PDE10A: variants seen among roughly 807,000 people sequenced by gnomAD.
PDE10A encodes the protein phosphodiesterase 10A.
PDE10A carries 39 observed loss-of-function variants against 97.7 expected under a neutral mutation model. The observed-to-expected ratio is 0.40, with a 90% confidence interval of 0.31 to 0.52. The LOEUF (loss-of-function observed/expected upper bound fraction) is 0.52. Ranked by LOEUF, PDE10A falls within the 20% of genes least tolerant of loss-of-function variation. The pLI, the probability that PDE10A is intolerant of heterozygous loss-of-function variation, is 0.56. For missense variants in PDE10A, 731 were observed against 1,047.8 expected (o/e 0.70, Z 4.17); for synonymous variants, 371 against 376.8 (o/e 0.98, Z 0.18).
chr6:165,762,726 A>T (rs1444936408), intron 1 of PDE10A, among the ~76,000 whole-genome samples: 1 of 152,190 alleles, frequency 6.6e-6, no homozygotes, highest in South Asian at 2.1e-4. Context: ...AGACTGGTAA[A>T]ATCTTTATTG....
At chr6:165,628,358 C>CTT (rs35599354) in intron 1 of PDE10A, among the ~76,000 whole-genome samples, 1,909 of 150,348 alleles carry the variant, frequency 0.013, 41 homozygotes, top group African/African-American at 0.044. Context: ...TTTCTTTTCT[C>CTT]TTTTTTTTTC....
upstream of PDE10A, among the ~76,000 whole-genome samples, chr6:165,667,117 G>A (rs1316203762): frequency 1.3e-5 from 2 of 152,182 alleles, no homozygotes; most frequent in African/African-American, 2.4e-5. Flanking sequence ...ACTTCATAGG[G>A]GACAGCCTTG....
chr6:165,444,568 G>GT (rs956416643), intron 5 of PDE10A, among the ~76,000 whole-genome samples: 3 of 151,744 alleles, frequency 2.0e-5, no homozygotes, highest in East Asian at 1.9e-4. Context: ...CCTGATCTAA[G>GT]TTTTTTTTCT....
intron 1 of PDE10A, among the ~76,000 whole-genome samples, chr6:165,568,815 G>C (rs1016889575): frequency 1.3e-5 from 2 of 152,152 alleles, no homozygotes; most frequent in African/African-American, 4.8e-5. Flanking sequence ...ATCTATCCAA[G>C]AATTTGTGAA....
intron 1 of PDE10A, among the ~76,000 whole-genome samples, chr6:165,544,503 G>T (rs1327740842): frequency 6.6e-6 from 1 of 151,360 alleles, no homozygotes; most frequent in Non-Finnish European, 1.5e-5. Context: ...TCAGTGACGG[G>T]AATTATTTTT....
At chr6:165,626,579 T>G (rs1267639249) in intron 1 of PDE10A, among the ~76,000 whole-genome samples, 1 of 152,238 alleles carries the variant, frequency 6.6e-6, no homozygotes, top group Non-Finnish European at 1.5e-5. Context: ...GAAAACACTT[T>G]CCAATCTTTC....
At chr6:165,350,723 T>C (rs773588186) in intron 18 of PDE10A, among the ~76,000 whole-genome samples, 3 of 152,098 alleles carry the variant, frequency 2.0e-5, no homozygotes, top group Admixed American at 6.5e-5. Flanking sequence ...AATTGAAACA[T>C]GGGGGCAGTT....
intron 3 of PDE10A, among the ~76,000 whole-genome samples, chr6:165,460,662 G>C (rs1052420548): frequency 3.3e-5 from 5 of 152,070 alleles, no homozygotes; most frequent in African/African-American, 1.2e-4. Context: ...ATATATAAAA[G>C]TAGCTATATT....
At chr6:165,866,980 A>G (rs750162312) in intron 1 of PDE10A, among the ~76,000 whole-genome samples, 129 of 152,234 alleles carry the variant, frequency 8.5e-4, no homozygotes, top group Middle Eastern at 6.8e-3. Context: ...GATATATACC[A>G]TCATGAAAAC....
chr6:165,873,387 T>G (rs1334700755), intron 1 of PDE10A, among the ~76,000 whole-genome samples: 1 of 152,222 alleles, frequency 6.6e-6, no homozygotes, highest in East Asian at 1.9e-4. Flanking sequence ...CTGGCTCCCC[T>G]GCTAACTTGC....
intron 1 of PDE10A, among the ~76,000 whole-genome samples, chr6:165,676,919 G>A (rs990695516): frequency 1.3e-5 from 2 of 152,218 alleles, no homozygotes; most frequent in Admixed American, 6.5e-5. Flanking sequence ...GGCCTCCAGG[G>A]CCAGCTCCTC....
At chr6:165,694,551 C>T (rs1020447214) in intron 1 of PDE10A, among the ~76,000 whole-genome samples, 1 of 152,196 alleles carries the variant, frequency 6.6e-6, no homozygotes, top group Non-Finnish European at 1.5e-5. Flanking sequence ...AGGAGAGCAG[C>T]GGGCGGTGTC....
At chr6:165,976,654 C>T (rs1784853666) in intron 1 of PDE10A, among the ~76,000 whole-genome samples, 1 of 152,210 alleles carries the variant, frequency 6.6e-6, no homozygotes, top group South Asian at 2.1e-4. Context: ...ATATGTGAAA[C>T]TCAGACCCTT....
intron 3 of PDE10A, among the ~76,000 whole-genome samples, chr6:165,472,841 C>T (rs528527697): frequency 5.3e-5 from 8 of 152,154 alleles, no homozygotes; most frequent in East Asian, 3.9e-4. Context: ...ACCATTTACA[C>T]GTGAAAAGTT....
chr6:165,616,738 A>G (rs1311088636), intron 1 of PDE10A, among the ~76,000 whole-genome samples: 1 of 152,220 alleles, frequency 6.6e-6, no homozygotes, highest in African/African-American at 2.4e-5. Context: ...CCAACAACTC[A>G]AAATGCACTA....
intron 2 of PDE10A, among the ~76,000 whole-genome samples, chr6:165,530,557 T>C (rs1004134531): frequency 8.5e-5 from 13 of 152,096 alleles, no homozygotes; most frequent in Non-Finnish European, 1.5e-4. Flanking sequence ...ATGGGATCAA[T>C]TGTCAAACTT....
chr6:165,618,966 AGTG>A (rs1164441709), intron 1 of PDE10A, among the ~76,000 whole-genome samples: 3 of 126,304 alleles, frequency 2.4e-5, no homozygotes, highest in South Asian at 4.4e-4. Context: ...AGTGTAGACT[AGTG>A]TAGTGTAGTC....
chr6:165,622,072 A>T (rs998821646), intron 1 of PDE10A, among the ~76,000 whole-genome samples: 1 of 152,230 alleles, frequency 6.6e-6, no homozygotes, highest in Non-Finnish European at 1.5e-5. Flanking sequence ...AGATTTTCCC[A>T]AGAGGAAGAA....
In PDE10A at chr6:165,649,637, G is replaced by T. The variant is rs958205882; in HGVS notation, c.865+12310C>A. Among the ~76,000 whole-genome samples the T allele has an allele frequency of 9.2e-5, 14 of 152,238 alleles. No homozygotes were observed. The South Asian group carries it at 1.0e-3, about 11-fold the overall frequency. ...GCTGCTGAGGAAGAGGTGCAGGGGT[G>T]CCCACTGCCCCTGCTGTCCAGTCAA... On this transcript the variant is annotated intron_variant, in intron 1 of 21. Coordinates refer to ENST00000539869, the MANE Select transcript of PDE10A (RefSeq NM_001385079.1).
Sources: allele counts gnomAD v4.1 joint callset (sites outside exome capture counted in the v4.1 genomes callset), GRCh38; gene constraint gnomAD v4.1.1; transcripts MANE v1.5; gene names NCBI Gene and HGNC (gene_info 2026-07-23, HGNC 2026-07-21).